RBFOX1: variants seen among roughly 807,000 people sequenced by gnomAD.
RBFOX1 encodes the protein RNA binding protein fox-1 homolog 1.
In RBFOX1, 8 loss-of-function variants were observed where a neutral mutation model predicts 57.7. That is an observed-to-expected ratio of 0.14 (90% CI 0.08 to 0.25). RBFOX1 has a LOEUF of 0.25. Ranked by LOEUF, RBFOX1 falls within the 10% of genes least tolerant of loss-of-function variation. The pLI is 1.00. For synonymous variants in RBFOX1, 326 were observed against 222.4 expected, an observed-to-expected ratio of 1.47 and a Z score of -4.15; for missense variants, 611 against 548.5, an observed-to-expected ratio of 1.11 and a Z score of -1.14.
At chr16:6,931,293 C>CTA (rs1464607567) in intron 3 of RBFOX1, among the ~76,000 whole-genome samples, 2 of 120,390 alleles carry the variant, frequency 1.7e-5, no homozygotes, top group East Asian at 5.1e-4. Flanking sequence ...GTCTGTCTGT[C>CTA]TGTCTATCTA....
At chr16:7,013,611 A>T (rs955524313) in intron 3 of RBFOX1, among the ~76,000 whole-genome samples, 1 of 152,220 alleles carries the variant, frequency 6.6e-6, no homozygotes, top group Non-Finnish European at 1.5e-5. Context: ...TACTAATGTT[A>T]TATTACCTGG....
chr16:6,992,196 C>T (rs1033650481), intron 3 of RBFOX1, among the ~76,000 whole-genome samples: 1 of 150,454 alleles, frequency 6.6e-6, no homozygotes, highest in African/African-American at 2.4e-5. Flanking sequence ...TGGAGTCTCA[C>T]TCTGTTGCAC....
chr16:6,314,134 G>A (rs1053330175), intron 1 of RBFOX1, among the ~76,000 whole-genome samples: 4 of 152,090 alleles, frequency 2.6e-5, no homozygotes, highest in Non-Finnish European at 4.4e-5. Context: ...CACCAAAGAA[G>A]GCCCAGTTGC....
intron 1 of RBFOX1, among the ~76,000 whole-genome samples, chr16:6,158,810 G>C (rs2096856813): frequency 6.6e-6 from 1 of 152,080 alleles, no homozygotes; most frequent in African/African-American, 2.4e-5. Context: ...GGGCACGTCT[G>C]GGAATTTGAA....
intron 1 of RBFOX1, among the ~76,000 whole-genome samples, chr16:5,349,254 CAGAGT>C (rs2065209291): frequency 6.6e-6 from 1 of 152,204 alleles, no homozygotes; most frequent in African/African-American, 2.4e-5. Flanking sequence ...CTCATAGAAA[CAGAGT>C]AGAATATTGA....
chr16:6,192,786 C>T (rs778621443), intron 1 of RBFOX1, among the ~76,000 whole-genome samples: 2 of 152,116 alleles, frequency 1.3e-5, no homozygotes, highest in Admixed American at 6.6e-5. Flanking sequence ...AAATGCTTAG[C>T]ACAGGTTGTC....
intron 1 of RBFOX1, among the ~76,000 whole-genome samples, chr16:6,144,310 T>C (rs898102905): frequency 2.6e-5 from 4 of 152,186 alleles, no homozygotes; most frequent in African/African-American, 9.7e-5. Flanking sequence ...CTGCTTCAGT[T>C]TGTGGCAAAT....
chr16:7,255,876 T>C (rs986771437), intron 4 of RBFOX1, among the ~76,000 whole-genome samples: 2 of 152,210 alleles, frequency 1.3e-5, no homozygotes, highest in Non-Finnish European at 2.9e-5. Flanking sequence ...ATGTGTTCAA[T>C]AGCCACATAT....
chr16:7,148,556 C>T (rs981744918), intron 4 of RBFOX1, among the ~76,000 whole-genome samples: 3 of 152,238 alleles, frequency 2.0e-5, no homozygotes, highest in African/African-American at 7.2e-5. Flanking sequence ...GAACAGACAA[C>T]ATAGCTGTTT....
rs114624697 is a variant in RBFOX1, at chr16:7,456,116, C to T, written c.28-62031C>T. 2.1e-3 allele frequency among the ~76,000 whole-genome samples: 319 copies of T among 152,250 alleles called. 2 individuals carry two copies. Among genetic ancestry groups the T allele is most frequent in the African/African-American group, 7.3e-3 (305 of 41,546 alleles). On this transcript the variant is annotated intron_variant, in intron 4 of 15. Coordinates refer to ENST00000550418, the MANE Select transcript of RBFOX1 (RefSeq NM_018723.4). Reference sequence around the variant, plus strand: ...TTTTTGAACAAGCGTTCCTACATTGCCCTTTTGCACTGCCCCCAGAAATTA... The same window carrying T: ...TTTTTGAACAAGCGTTCCTACATTGTCCTTTTGCACTGCCCCCAGAAATTA...
intron 4 of RBFOX1, among the ~76,000 whole-genome samples, chr16:5,927,064 A>C (rs12930986): frequency 0.32 from 48,591 of 152,098 alleles, 8,165 homozygotes; most frequent in Middle Eastern, 0.51. Flanking sequence ...ATGATTTTTG[A>C]CATATTTTTA....
intron 4 of RBFOX1, among the ~76,000 whole-genome samples, chr16:7,081,581 C>G (rs1177928497): frequency 2.0e-5 from 3 of 152,108 alleles, no homozygotes; most frequent in African/African-American, 4.8e-5. Flanking sequence ...TATTTATGTA[C>G]TTTTTAAATT....
intron 1 of RBFOX1, among the ~76,000 whole-genome samples, chr16:6,022,439 G>A (rs1381189448): frequency 1.3e-5 from 2 of 152,124 alleles, no homozygotes; most frequent in Non-Finnish European, 1.5e-5. Context: ...CCATCACTCT[G>A]GGAGGCTGAG....
intron 3 of RBFOX1, among the ~76,000 whole-genome samples, chr16:5,692,019 T>C (rs1045389534): frequency 3.8e-5 from 1 of 26,408 alleles, no homozygotes; most frequent in Non-Finnish European, 2.2e-4. Context: ...TAACTCTTTT[T>C]TTATTTTTTT....
At chr16:6,962,496 C>A (rs2083234383) in intron 3 of RBFOX1, among the ~76,000 whole-genome samples, 1 of 152,152 alleles carries the variant, frequency 6.6e-6, no homozygotes, top group Non-Finnish European at 1.5e-5. Context: ...CGCAGTGTGT[C>A]CCTGGCATCC....
intron 3 of RBFOX1, among the ~76,000 whole-genome samples, chr16:5,811,143 ATTTT>A (rs374827330): frequency 2.0e-4 from 21 of 104,570 alleles, no homozygotes; most frequent in African/African-American, 7.5e-4. Flanking sequence ...TATGGAACAA[ATTTT>A]TTTTTTTTTT....
At chr16:6,162,871 C>G (rs977178933) in intron 1 of RBFOX1, among the ~76,000 whole-genome samples, 1 of 152,084 alleles carries the variant, frequency 6.6e-6, no homozygotes, top group Admixed American at 6.6e-5. Context: ...GTAGCTGGGA[C>G]TACAGGCGTG....
chr16:5,339,009 T>C (rs556757916), intron 1 of RBFOX1, among the ~76,000 whole-genome samples: 21 of 152,314 alleles, frequency 1.4e-4, no homozygotes, highest in African/African-American at 4.8e-4. Context: ...TACCTCACTT[T>C]TTTTTTTGTG....
chr16:5,331,565 G>A (rs191707443), intron 1 of RBFOX1, among the ~76,000 whole-genome samples: 4 of 152,350 alleles, frequency 2.6e-5, no homozygotes, highest in Admixed American at 2.6e-4. Flanking sequence ...AACTCTTTGA[G>A]CCTTTGCAGA....
Sources: allele counts gnomAD v4.1 joint callset (sites outside exome capture counted in the v4.1 genomes callset), GRCh38; gene constraint gnomAD v4.1.1; transcripts MANE v1.5; gene names NCBI Gene and HGNC (gene_info 2026-07-23, HGNC 2026-07-21).